OR3A2: variants seen among roughly 807,000 people sequenced by gnomAD.
OR3A2 encodes the protein olfactory receptor 3A2.
For missense variants in OR3A2, 318 were observed against 392.8 expected (o/e 0.81, Z 1.61); for synonymous variants, 126 against 159.3 (o/e 0.79, Z 1.57).
chr17:3,333,007 C>T (rs1484243237), intron 3 of OR3A2, among the ~76,000 whole-genome samples: 1 of 152,176 alleles, frequency 6.6e-6, no homozygotes, highest in Non-Finnish European at 1.5e-5. Context: ...ATCTGACTGC[C>T]TGCAGGATTG....
intron 1 of OR3A2, among the ~76,000 whole-genome samples, chr17:3,282,230 C>T (rs1384431030): frequency 2.0e-5 from 3 of 152,082 alleles, no homozygotes; most frequent in South Asian, 2.1e-4. Flanking sequence ...CTGGCTAACA[C>T]GGTGAAACCC....
chr17:3,290,106 CT>C (rs1284646540), intron 3 of OR3A2, among the ~76,000 whole-genome samples: 1 of 152,054 alleles, frequency 6.6e-6, no homozygotes, highest in Non-Finnish European at 1.5e-5. Flanking sequence ...CCTTGGTGTA[CT>C]TTTTTTGTAC....
intron 2 of OR3A2, among the ~76,000 whole-genome samples, chr17:3,350,257 A>G (rs1470387282): frequency 2.0e-5 from 3 of 152,132 alleles, no homozygotes; most frequent in Non-Finnish European, 4.4e-5. Context: ...GGTTTTTTGA[A>G]AGGATCAACA....
At chr17:3,385,352 C>T (rs905605174) in intron 1 of OR3A2, among the ~76,000 whole-genome samples, 2 of 151,948 alleles carry the variant, frequency 1.3e-5, no homozygotes, top group Non-Finnish European at 2.9e-5. Flanking sequence ...ATTGTTTAAA[C>T]AAATAATGAT....
chr17:3,333,614 C>G (rs947452873), intron 3 of OR3A2, among the ~76,000 whole-genome samples: 1 of 152,150 alleles, frequency 6.6e-6, no homozygotes, highest in African/African-American at 2.4e-5. Flanking sequence ...TGTACTCTTT[C>G]TCTTTATTTC....
intron 3 of OR3A2, among the ~76,000 whole-genome samples, chr17:3,304,926 CT>C (rs1240706779): frequency 1.3e-5 from 2 of 152,122 alleles, no homozygotes; most frequent in African/African-American, 2.4e-5. Flanking sequence ...TACGATTCCA[CT>C]TATATAAAGT....
chr17:3,374,510 T>C (rs757445097), intron 2 of OR3A2, among the ~76,000 whole-genome samples: 29 of 152,348 alleles, frequency 1.9e-4, no homozygotes, highest in Non-Finnish European at 3.7e-4. Context: ...CTTTGTCAGA[T>C]TGTGTTAATT....
chr17:3,292,682 C>A, intron 3 of OR3A2: 1 of 1,042,896 alleles, frequency 9.6e-7, no homozygotes. Flanking sequence ...CTTGCCCGGC[C>A]CTCTGCCACG....
intron 3 of OR3A2, among the ~76,000 whole-genome samples, chr17:3,324,186 C>A (rs573162940): frequency 6.6e-6 from 1 of 152,174 alleles, no homozygotes; most frequent in East Asian, 1.9e-4. Context: ...ACGTAGTTCT[C>A]GTGCCTTGGT....
intron 2 of OR3A2, among the ~76,000 whole-genome samples, chr17:3,379,898 T>C (rs139400251): frequency 3.3e-5 from 5 of 152,108 alleles, no homozygotes; most frequent in African/African-American, 1.2e-4. Flanking sequence ...CCCACACACC[T>C]CGATGCCCCC....
intron 3 of OR3A2, among the ~76,000 whole-genome samples, chr17:3,305,106 A>G (rs763880150): frequency 1.3e-5 from 2 of 150,534 alleles, no homozygotes; most frequent in Non-Finnish European, 2.9e-5. Context: ...TGTGCACTTC[A>G]CATTTCTGTG....
chr17:3,334,782 T>C (rs1372172897), intron 3 of OR3A2, among the ~76,000 whole-genome samples: 1 of 152,256 alleles, frequency 6.6e-6, no homozygotes, highest in African/African-American at 2.4e-5. Context: ...GTGTTATTTC[T>C]AGAGAAGAGT....
chr17:3,326,679 A>C (rs2049177141), intron 3 of OR3A2, among the ~76,000 whole-genome samples: 1 of 143,638 alleles, frequency 7.0e-6, no homozygotes, highest in Non-Finnish European at 1.5e-5. Flanking sequence ...TATTAGGTAT[A>C]TCTCCCAATG....
At chr17:3,375,444 A>G (rs1283870014) in intron 2 of OR3A2, among the ~76,000 whole-genome samples, 1 of 151,520 alleles carries the variant, frequency 6.6e-6, no homozygotes, top group African/African-American at 2.4e-5. Context: ...CTGGGACTAC[A>G]GGCATATGCC....
chr17:3,349,866 T>G lies in OR3A2; in HGVS notation c.-178-13740A>C, dbSNP rs527727356. Among the ~76,000 whole-genome samples, 271 of 152,168 alleles carry G rather than the reference T, an allele frequency of 1.8e-3. 2 individuals are homozygous for G. The highest frequency in any genetic ancestry group is 5.9e-3 in the African/African-American group (244 of 41,490). ...CACAGTGCAATCAAACTAGAACTCA[T>G]GATTAAGAATCTCACTCAAAACCAC... On this transcript the variant is annotated intron_variant, in intron 2 of 4. Coordinates refer to the OR3A2 transcript ENST00000573491.
At chr17:3,292,625 C>G (rs952513612) in intron 3 of OR3A2, 1 of 1,470,708 alleles carries the variant, frequency 6.8e-7, no homozygotes, top group Admixed American at 2.1e-5. Context: ...AGAATCACTC[C>G]TCCCAATAAT....
At chr17:3,385,883 G>C (rs988815026) in intron 1 of OR3A2, 2 of 398,438 alleles carry the variant, frequency 5.0e-6, no homozygotes. Context: ...AATTTCGGCC[G>C]GCTGCCTCCT....
chr17:3,322,423 G>A (rs112234337), intron 3 of OR3A2, among the ~76,000 whole-genome samples: 11,710 of 152,040 alleles, frequency 0.077, 1,000 homozygotes, highest in East Asian at 0.48. Context: ...GCTTTTGAAC[G>A]TGTTTGCTCT....
At chr17:3,350,070 A>G (rs868028409) in intron 2 of OR3A2, among the ~76,000 whole-genome samples, 2 of 149,614 alleles carry the variant, frequency 1.3e-5, no homozygotes, top group African/African-American at 2.5e-5. Context: ...AATGCCCACA[A>G]GAGAAAGCAG....
Sources: gnomAD v4.1 joint callset for allele counts (sites outside exome capture counted in the v4.1 genomes callset) on GRCh38, gnomAD v4.1.1 for gene constraint, MANE v1.5 for transcripts, NCBI Gene and HGNC (gene_info 2026-07-23, HGNC 2026-07-21) for gene names.